SEMA7A: variants seen among roughly 807,000 people sequenced by gnomAD.
The protein encoded by SEMA7A is semaphorin-7A.
In SEMA7A, 21 loss-of-function variants were observed where a neutral mutation model predicts 67.5. The observed-to-expected ratio is 0.31, with a 90% confidence interval of 0.22 to 0.45. The LOEUF (loss-of-function observed/expected upper bound fraction) is 0.45, where lower values mean the gene tolerates loss of function less well. SEMA7A is among the 20% of genes least tolerant of loss of function. The pLI is 1.00. For missense variants in SEMA7A, 774 were observed against 908.6 expected (o/e 0.85, Z 1.90); for synonymous variants, 364 against 368.5 (o/e 0.99, Z 0.14).
chr15:74,414,831 C>G lies in SEMA7A; in HGVS notation c.1095+7G>C. ...TGGGCCTGGGCCACGGCTGGTGTCA[C>G]GCTCACCTTGCCAGGCCGCGGGTTG... On this transcript the variant is annotated splice_region_variant and intron_variant, in intron 9 of 13. Coordinates refer to ENST00000261918, the MANE Select transcript of SEMA7A (RefSeq NM_003612.5). The surrounding 1 kb of genome is among the most constrained non-coding windows in gnomAD (Gnocchi z 4.1). The G allele has an allele frequency of 6.2e-7, 1 of 1,614,094 alleles. No homozygotes were observed. Among genetic ancestry groups the G allele is most frequent in the Non-Finnish European group, 8.5e-7 (1 of 1,179,944 alleles).
intron 1 of SEMA7A, among the ~76,000 whole-genome samples, chr15:74,427,000 C>T (rs1292863985): frequency 6.6e-6 from 1 of 152,236 alleles, no homozygotes; most frequent in Admixed American, 6.5e-5. Flanking sequence ...GGCTCATTTC[C>T]ATCTCTGCAC....
rs1239536321 is a variant in SEMA7A at position 74,411,644 on chromosome 15, C to T, written c.1489G>A (p.Gly497Ser). 4 of 1,613,102 alleles carry T rather than the reference C, an allele frequency of 2.5e-6. No homozygotes were observed. In the African/African-American group the frequency reaches 4.0e-5, roughly 16 times the overall value. The change falls in exon 12 of 14, where the codon GGC becomes AGC. Residue 497 changes from glycine to serine, a missense_variant. This residue lies in a region of SEMA7A where 427 missense variants were observed against 555.4 expected (regional missense o/e 0.77). Transcript: ENST00000261918. The surrounding 1 kb of genome is among the most constrained non-coding windows in gnomAD (Gnocchi z 4.4). ...ATGAGGCAACCGTGGCAGCCCCCGCCATAGACCTCACACAGGTCCAGGGGC... is the reference window on the plus strand; with the variant it reads ...ATGAGGCAACCGTGGCAGCCCCCGCTATAGACCTCACACAGGTCCAGGGGC... Reference protein sequence around the residue: ...QVPLDLCEVYGGGCHGCLMSR... With the variant: ...QVPLDLCEVYSGGCHGCLMSR...
At chr15:74,424,204 C>T (rs1006615173) in intron 1 of SEMA7A, among the ~76,000 whole-genome samples, 9 of 152,082 alleles carry the variant, frequency 5.9e-5, no homozygotes, top group South Asian at 2.1e-4. Flanking sequence ...CTGGCTGTGA[C>T]GGTGATTGGG....
Position 74,416,667 on chromosome 15 carries a change from C to G in SEMA7A, c.709G>C (p.Asp237His). ...CGGAAGAAGTAGTAGATCTTGTCAT[C>G]GTAAGCCTGGTCTTGGTGCACGATG... ...ATIVHQDQAY[D>H]DKIYYFFRED... is the part of the protein sequence containing the mutation. Residue 237 changes from aspartate (D) to histidine (H), a missense_variant, in exon 7 of 14, where the codon GAT becomes CAT. Coordinates refer to ENST00000261918, the MANE Select transcript of SEMA7A (RefSeq NM_003612.5). 6.2e-7 allele frequency: 1 copy of G among 1,614,092 alleles called. No individual in the cohort carries two copies. Among genetic ancestry groups the G allele is most frequent in the Non-Finnish European group, 8.5e-7 (1 of 1,179,978 alleles).
At chr15:74,416,498 G>A (rs888830904) in intron 7 of SEMA7A, 77 bp downstream of exon 7, 24 of 1,481,598 alleles carry the variant, frequency 1.6e-5, no homozygotes, top group South Asian at 6.1e-5. Context: ...ACATGCACAC[G>A]GACACACAGA....
Position 74,415,778 on chromosome 15 carries a change from G to A in SEMA7A, c.986+23C>T, listed in dbSNP as rs1240704533. On this transcript the variant is annotated intron_variant, in intron 8 of 13. Coordinates refer to ENST00000261918, the MANE Select transcript of SEMA7A (RefSeq NM_003612.5). Reference sequence around the variant, plus strand: ...GGACACTGAACCAATGCCAGCCCCGGCCCCAGGACAAGGGCCACTCACCAG... The same window carrying A: ...GGACACTGAACCAATGCCAGCCCCGACCCCAGGACAAGGGCCACTCACCAG... The A allele has an allele frequency of 1.0e-5, 16 of 1,598,940 alleles. No homozygotes were observed. In the East Asian group the frequency reaches 3.4e-4, roughly 34 times the overall value.
At chr15:74,413,800 G>C (rs113970000) in intron 10 of SEMA7A, among the ~76,000 whole-genome samples, 1 of 152,188 alleles carries the variant, frequency 6.6e-6, no homozygotes, top group African/African-American at 2.4e-5. Flanking sequence ...GATCACATGG[G>C]GAATGTGAAC....
intron 1 of SEMA7A, among the ~76,000 whole-genome samples, chr15:74,429,604 T>C (rs1159896194): frequency 3.3e-5 from 5 of 152,230 alleles, no homozygotes; most frequent in African/African-American, 1.2e-4. Context: ...GCTATGGCCT[T>C]GCCAGCACTC....
In SEMA7A at chr15:74,410,681, G is replaced by A. The variant is rs2075592; in HGVS notation, c.1944C>T (p.Ala648=). Residue 648 remains alanine (A), a synonymous_variant, in exon 14 of 14, where the codon GCC becomes GCT. Coordinates refer to ENST00000261918, the MANE Select transcript of SEMA7A (RefSeq NM_003612.5). This position sits in a 1 kb window ranked among gnomAD's most constrained non-coding sequence, Gnocchi z 7.5. ...GCAGCACCCCCAGCCAGAGGGAGGC[G>A]GCCAGGGCACAGGCATGACCCAGCA... ...EHLLGHACAL[A]ASLWLGVLPT... The A allele has an allele frequency of 0.07, 113,342 of 1,609,660 alleles. 7,574 individuals carry two copies. Among genetic ancestry groups the A allele is most frequent in the African/African-American group, 0.33 (24,931 of 74,924 alleles).
intron 1 of SEMA7A, among the ~76,000 whole-genome samples, chr15:74,426,487 G>C (rs1195882523): frequency 6.6e-6 from 1 of 152,144 alleles, no homozygotes; most frequent in East Asian, 1.9e-4. Flanking sequence ...TCATGGAAGA[G>C]GTGCTCTCCA....
chr15:74,422,943 G>T (rs1030457569), intron 1 of SEMA7A, among the ~76,000 whole-genome samples: 1 of 152,242 alleles, frequency 6.6e-6, no homozygotes, highest in Non-Finnish European at 1.5e-5. Context: ...AGGTGTTGTT[G>T]TCCATGAAGG....
In SEMA7A at chr15:74,411,140, A is replaced by T; in HGVS notation, c.1639+155T>A. ...CCTCCTTTTTTCTCCCGTCTCGCTC[A>T]TCCCACCAAGAGGGCTCCCTCTGCA... On this transcript the variant is annotated intron_variant, in intron 13 of 13. Coordinates refer to ENST00000261918, the MANE Select transcript of SEMA7A (RefSeq NM_003612.5). The surrounding 1 kb of genome is among the most constrained non-coding windows in gnomAD (Gnocchi z 4.4). 1 of 1,346,946 alleles carries T rather than the reference A, an allele frequency of 7.4e-7. No individual in the cohort carries two copies. The allele number at this position is 1,346,946 out of a possible 1,614,324, so 83.4% of individuals were successfully genotyped here.
intron 10 of SEMA7A, among the ~76,000 whole-genome samples, chr15:74,413,413 T>C (rs371653345): frequency 1.3e-5 from 2 of 152,144 alleles, no homozygotes; most frequent in East Asian, 3.8e-4. Context: ...GAAGACACCT[T>C]CTCTAATCAC....
At chr15:74,416,551 A>C in intron 7 of SEMA7A, 24 bp downstream of exon 7, 5 of 1,611,140 alleles carry the variant, frequency 3.1e-6, no homozygotes, top group Non-Finnish European at 4.2e-6. Flanking sequence ...ACACGTAGCC[A>C]GCAGCCCTCA....
At chr15:74,412,319 T>C (rs2141270682) in intron 10 of SEMA7A, among the ~76,000 whole-genome samples, 1 of 152,268 alleles carries the variant, frequency 6.6e-6, no homozygotes, top group South Asian at 2.1e-4. Flanking sequence ...TCAGTGCGGC[T>C]GCTGTCCATG....
At chr15:74,433,697 C>A in intron 1 of SEMA7A, 44 bp downstream of exon 1, 1 of 1,384,954 alleles carries the variant, frequency 7.2e-7, no homozygotes, top group African/African-American at 1.5e-5. Context: ...CCGCCCCGCG[C>A]AGCGTCTGAT....
intron 1 of SEMA7A, among the ~76,000 whole-genome samples, chr15:74,433,217 G>T (rs1310101376): frequency 1.3e-5 from 2 of 151,024 alleles, no homozygotes; most frequent in African/African-American, 2.4e-5. Context: ...CCGGGCCGGG[G>T]CGGGGGCGGG....
At chr15:74,427,028 C>T (rs28362880) in intron 1 of SEMA7A, among the ~76,000 whole-genome samples, 28,526 of 152,218 alleles carry the variant, frequency 0.19, 5,249 homozygotes, top group African/African-American at 0.48. Flanking sequence ...CTGTTCTCCC[C>T]TCCCTGGATT....
intron 8 of SEMA7A, 121 bp downstream of exon 8, chr15:74,415,680 C>G: frequency 9.9e-7 from 1 of 1,008,342 alleles, no homozygotes; most frequent in Non-Finnish European, 1.4e-6. Context: ...AGCCCAGCCT[C>G]TTGAGCCTGC....
Sources: gnomAD v4.1 joint callset for allele counts (sites outside exome capture counted in the v4.1 genomes callset) on GRCh38, gnomAD v4.1.1 for gene constraint, gnomAD v4.1.1 regional missense constraint, Gnocchi (gnomAD v3.1) non-coding constraint, MANE v1.5 for transcripts, NCBI Gene and HGNC (gene_info 2026-07-23, HGNC 2026-07-21) for gene names.